Variants in AFF2 observed in about 807,000 individuals in gnomAD.
The protein encoded by AFF2 is AF4/FMR2 family member 2.
A neutral mutation model predicts 76.9 loss-of-function variants in AFF2; 14 were observed. The observed-to-expected ratio is 0.18, with a 90% confidence interval of 0.12 to 0.28. AFF2 has a LOEUF of 0.28. AFF2 is among the 10% of genes least tolerant of loss of function. The probability of loss-of-function intolerance (pLI) is 1.00; values close to 1 mark genes in which losing one functional copy is unlikely to be tolerated. For missense variants in AFF2, 868 were observed against 1,001.1 expected (o/e 0.87, Z 1.79); for synonymous variants, 398 against 366.7 (o/e 1.09, Z -0.98).
chrX:148,762,497 T>TGC (rs2069463746), intron 3 of AFF2, among the ~76,000 whole-genome samples: 1 of 106,029 alleles, frequency 9.4e-6, no homozygotes, highest in African/African-American at 3.7e-5. Context: ...TGTGTGTGTG[T>TGC]GTGTGTGTGT....
chrX:148,591,596 A>G (rs1011289404), intron 1 of AFF2, among the ~76,000 whole-genome samples: 4 of 112,264 alleles, frequency 3.6e-5, no homozygotes, highest in African/African-American at 6.5e-5. Context: ...TAAGTCCATT[A>G]TTTAATGGAT....
In AFF2 at chrX:148,999,088, G is replaced by C. The variant is rs2072643770; in HGVS notation, c.*7756G>C. On this transcript the variant is annotated 3_prime_UTR_variant, in exon 21 of 21. Coordinates refer to ENST00000370460, the MANE Select transcript of AFF2 (RefSeq NM_002025.4). ...GGATAGAGGTAGTTTTTTCAAAAGA[G>C]CACTTTAATAATATCCTCTGAGACC... is the stretch of plus-strand genomic sequence containing the variant. 9.0e-6 allele frequency: 1 copy of C among 111,640 alleles called. No individual in the cohort carries two copies. The highest frequency in any genetic ancestry group is 9.5e-5 in the Admixed American group (1 of 10,518). 9.2% of individuals were successfully genotyped at this position (111,640 alleles called of 1,213,427 possible).
chrX:148,695,465 G>T lies in AFF2; in HGVS notation c.1041+32697G>T, dbSNP rs141643701. 8.0e-5 allele frequency among the ~76,000 whole-genome samples: 9 copies of T among 112,257 alleles called. No homozygotes were observed. In the East Asian group the frequency reaches 2.5e-3, roughly 32 times the overall value. The stretch of plus-strand genomic sequence containing the variant: ...AACGCAGGAAATTTAGGCCACAACA[G>T]CTTGCTTGCTCTTTACACTGTCATG... On this transcript the variant is annotated intron_variant, in intron 3 of 20. Transcript: ENST00000370460.
At chrX:148,678,325 C>T (rs2054507714) in intron 3 of AFF2, among the ~76,000 whole-genome samples, 1 of 112,073 alleles carries the variant, frequency 8.9e-6, no homozygotes. Flanking sequence ...AAAAAATCAG[C>T]ATTTTGAAGA....
At chrX:148,543,354 A>C (rs1192835192) in intron 1 of AFF2, among the ~76,000 whole-genome samples, 2 of 111,964 alleles carry the variant, frequency 1.8e-5, no homozygotes, top group African/African-American at 3.2e-5. Flanking sequence ...CAAAAGAAGA[A>C]GGGAACTGAT....
At chrX:148,881,886 A>C (rs1332315179) in intron 7 of AFF2, among the ~76,000 whole-genome samples, 1 of 111,096 alleles carries the variant, frequency 9.0e-6, no homozygotes, top group Admixed American at 9.6e-5. Context: ...AGGTATTATT[A>C]TTGCCCATTT....
chrX:148,805,205 G>A (rs2070113309), intron 3 of AFF2, among the ~76,000 whole-genome samples: 1 of 111,632 alleles, frequency 9.0e-6, no homozygotes, highest in African/African-American at 3.3e-5. Context: ...AGTGTCTGTT[G>A]TGGATATTGG....
intron 3 of AFF2, chrX:148,719,030 C>T: frequency 9.9e-7 from 1 of 1,012,610 alleles, no homozygotes; most frequent in South Asian, 3.1e-5. Context: ...TTTATTGTGA[C>T]CTAGAATAAA....
At chrX:148,683,328 C>T (rs2054568923) in intron 3 of AFF2, among the ~76,000 whole-genome samples, 1 of 112,135 alleles carries the variant, frequency 8.9e-6, no homozygotes, top group Non-Finnish European at 1.9e-5. Flanking sequence ...ATGCTTTTAT[C>T]TGTGCAATTA....
chrX:148,965,259 C>T (rs186522386), intron 13 of AFF2, among the ~76,000 whole-genome samples: 1 of 111,531 alleles, frequency 9.0e-6, no homozygotes, highest in Non-Finnish European at 1.9e-5. Flanking sequence ...GGGACAAATT[C>T]GAGAGATGTT....
rs782175809 is a variant in AFF2 at position 148,985,240 on chromosome X, C to G, written c.3624-2127C>G. ...ACCTCAGGTGATCCGACCCCCTTGG[C>G]CTCCCAAAGTACTGGGATTACAGGC... On this transcript the variant is annotated intron_variant, in intron 19 of 20. Coordinates refer to ENST00000370460, the MANE Select transcript of AFF2 (RefSeq NM_002025.4). 1.2e-4 allele frequency among the ~76,000 whole-genome samples: 12 copies of G among 102,021 alleles called. No individual in the cohort carries two copies. The East Asian group carries it at 3.7e-3, about 31-fold the overall frequency. 88.6% of individuals were successfully genotyped at this position (102,021 alleles called of 115,157 possible). A position where few individuals can be genotyped will look rare whatever the true frequency, so the allele number is the denominator to read the frequency against.
chrX:148,639,632 G>T (rs1557254367), intron 1 of AFF2, among the ~76,000 whole-genome samples: 1 of 111,968 alleles, frequency 8.9e-6, no homozygotes, highest in Non-Finnish European at 1.9e-5. Flanking sequence ...CGTGTTTATT[G>T]TGTGTGTAAG....
chrX:148,667,738 A>G (rs1603272313), intron 3 of AFF2, among the ~76,000 whole-genome samples: 1 of 111,560 alleles, frequency 9.0e-6, no homozygotes, highest in East Asian at 2.8e-4. Context: ...TGATTCAATT[A>G]CTTCCTATTG....
At chrX:148,720,876 C>T (rs1416560573) in intron 3 of AFF2, among the ~76,000 whole-genome samples, 4 of 111,497 alleles carry the variant, frequency 3.6e-5, no homozygotes, top group Non-Finnish European at 7.5e-5. Flanking sequence ...TAAGTGTTTT[C>T]AAATATACTC....
intron 8 of AFF2, among the ~76,000 whole-genome samples, chrX:148,887,045 C>T (rs1557279170): frequency 8.9e-6 from 1 of 112,904 alleles, no homozygotes; most frequent in East Asian, 2.8e-4. Flanking sequence ...CCATCTTCAA[C>T]GTTATGTGGC....
At chrX:148,916,036 T>C (rs2071523352) in intron 9 of AFF2, among the ~76,000 whole-genome samples, 1 of 111,059 alleles carries the variant, frequency 9.0e-6, no homozygotes, top group African/African-American at 3.3e-5. Context: ...AGGGCCACCC[T>C]TACAATGACA....
chrX:148,503,636 A>C (rs1320067811), intron 1 of AFF2, among the ~76,000 whole-genome samples: 1 of 112,592 alleles, frequency 8.9e-6, no homozygotes, highest in Non-Finnish European at 1.9e-5. Context: ...AAGACTTTAC[A>C]TACACAGGCA....
chrX:148,759,264 G>T (rs191051138), intron 3 of AFF2, among the ~76,000 whole-genome samples: 74 of 112,194 alleles, frequency 6.6e-4, no homozygotes, highest in African/African-American at 2.3e-3. Context: ...CTGCATTTCT[G>T]TGGGAAAGTC....
chrX:148,708,214 A>AT lies in AFF2; in HGVS notation c.1041+45447dup, dbSNP rs782050531. 1.3e-4 allele frequency among the ~76,000 whole-genome samples: 15 copies of AT among 111,881 alleles called. No homozygotes were observed. The East Asian group carries it at 2.3e-3, about 17-fold the overall frequency. On this transcript the variant is annotated intron_variant, in intron 3 of 20. Coordinates refer to ENST00000370460, the MANE Select transcript of AFF2 (RefSeq NM_002025.4). ...GATGAGCTTGTTTGCAAATGTGCAC[A>AT]TATTAGAGTCTGAACTGTGCACTTT...
Sources: allele counts gnomAD v4.1 joint callset (sites outside exome capture counted in the v4.1 genomes callset), GRCh38; gene constraint gnomAD v4.1.1; transcripts MANE v1.5; gene names NCBI Gene and HGNC (gene_info 2026-07-23, HGNC 2026-07-21).